GRIA4: variants seen among roughly 807,000 people sequenced by gnomAD.
The protein encoded by GRIA4 is glutamate receptor 4.
Under a neutral mutation model 104.0 loss-of-function variants are expected in GRIA4, and 34 were observed. The ratio of observed to expected loss-of-function variants is 0.33; its 90% CI spans 0.25 to 0.44. The LOEUF (loss-of-function observed/expected upper bound fraction) is 0.44, where lower values mean the gene tolerates loss of function less well. Among genes scored for constraint, GRIA4 ranks in the 20% least tolerant of loss-of-function variants. The pLI is 1.00. For synonymous variants in GRIA4, 386 were observed against 381.9 expected (o/e 1.01, Z -0.13); for missense variants, 750 against 1,096.5 (o/e 0.68, Z 4.46).
intron 4 of GRIA4, among the ~76,000 whole-genome samples, chr11:105,763,684 C>T (rs1940782455): frequency 6.6e-6 from 1 of 152,150 alleles, no homozygotes; most frequent in African/African-American, 2.4e-5. Context: ...AACAAATAAG[C>T]ATCCTCTACA....
chr11:105,729,228 T>C (rs922750572), intron 3 of GRIA4, among the ~76,000 whole-genome samples: 10 of 152,078 alleles, frequency 6.6e-5, no homozygotes, highest in African/African-American at 2.2e-4. Context: ...TAAACACACC[T>C]ATGCAAATAA....
rs781052248 is a variant in GRIA4, at chr11:105,980,740, C to T, written c.*1001C>T. ...ACAGAGCTTAAAAGTTTTTTCTTAT[C>T]GTTATAAAAGTTATTTGAGAAATTA... On this transcript the variant is annotated 3_prime_UTR_variant, in exon 17 of 17. Transcript: ENST00000282499. The T allele has an allele frequency of 6.6e-6, 1 of 152,468 alleles. No homozygotes were observed. The highest frequency in any genetic ancestry group is 1.9e-4 in the East Asian group (1 of 5,196). The allele number at this position is 152,468 out of a possible 1,614,324, so 9.4% of individuals were successfully genotyped here.
chr11:105,632,012 AG>A (rs1951047189), intron 3 of GRIA4, among the ~76,000 whole-genome samples: 1 of 152,174 alleles, frequency 6.6e-6, no homozygotes, highest in African/African-American at 2.4e-5. Flanking sequence ...ATGAATGAAT[AG>A]TGTTGGAGGG....
intron 4 of GRIA4, among the ~76,000 whole-genome samples, chr11:105,808,093 A>C (rs892223906): frequency 1.3e-5 from 2 of 151,848 alleles, no homozygotes; most frequent in Non-Finnish European, 2.9e-5. Context: ...CCTACTCTGC[A>C]TTTCATAGTG....
chr11:105,869,302 T>C (rs1945535854), intron 5 of GRIA4, among the ~76,000 whole-genome samples: 1 of 152,178 alleles, frequency 6.6e-6, no homozygotes, highest in Admixed American at 6.6e-5. Context: ...TAGTTGATGC[T>C]GCAAGAACAC....
At chr11:105,661,737 T>C (rs1952016796) in intron 3 of GRIA4, among the ~76,000 whole-genome samples, 1 of 151,702 alleles carries the variant, frequency 6.6e-6, no homozygotes, top group African/African-American at 2.4e-5. Flanking sequence ...TCTTGGTATT[T>C]GTCAAATTTG....
chr11:105,922,677 G>C (rs971342853), intron 11 of GRIA4, among the ~76,000 whole-genome samples: 1 of 151,986 alleles, frequency 6.6e-6, no homozygotes, highest in Non-Finnish European at 1.5e-5. Context: ...AAGAGAAAAA[G>C]AATTGTAAGA....
intron 3 of GRIA4, among the ~76,000 whole-genome samples, chr11:105,615,237 A>C (rs1950571483): frequency 6.6e-6 from 1 of 151,928 alleles, no homozygotes; most frequent in Non-Finnish European, 1.5e-5. Flanking sequence ...AGCTTATTTA[A>C]TGCTGGTTCA....
chr11:105,815,554 T>C (rs1014981782), intron 4 of GRIA4, among the ~76,000 whole-genome samples: 10 of 152,108 alleles, frequency 6.6e-5, no homozygotes, highest in Admixed American at 5.2e-4. Flanking sequence ...TCTGAGTCTT[T>C]TATGCTGCCT....
At chr11:105,632,453 G>C (rs1951058596) in intron 3 of GRIA4, among the ~76,000 whole-genome samples, 2 of 152,284 alleles carry the variant, frequency 1.3e-5, no homozygotes, top group South Asian at 4.1e-4. Flanking sequence ...CTCTGGTGTA[G>C]AAGAGCATAG....
rs1308688417 is a variant in GRIA4, at chr11:105,910,440, T to C, written c.1164T>C (p.Gly388=). The part of the protein sequence containing the change: ...ELKSTGPRKV[G]YWNDMDKLVL... The stretch of plus-strand genomic sequence containing the variant: ...GCATGTTCTCTATTTGGCAGGTTGG[T>C]TACTGGAATGATATGGATAAGTTAG... The change falls in exon 10 of 17, where the codon GGT becomes GGC. Residue 388 remains glycine, a synonymous_variant. Transcript: ENST00000282499. 4 of 1,516,168 alleles carry C rather than the reference T, an allele frequency of 2.6e-6. No homozygotes were observed. Among genetic ancestry groups the C allele is most frequent in the Non-Finnish European group, 3.7e-6 (4 of 1,090,856 alleles). 93.9% of individuals were successfully genotyped at this position (1,516,168 alleles called of 1,614,324 possible).
intron 3 of GRIA4, among the ~76,000 whole-genome samples, chr11:105,649,886 T>A (rs1951637295): frequency 6.6e-6 from 1 of 152,088 alleles, no homozygotes; most frequent in African/African-American, 2.4e-5. Flanking sequence ...TATACAGGAA[T>A]AATTATTGAA....
chr11:105,712,971 G>T (rs533866821), intron 3 of GRIA4, among the ~76,000 whole-genome samples: 82 of 152,194 alleles, frequency 5.4e-4, no homozygotes, highest in Non-Finnish European at 8.8e-4. Flanking sequence ...AATACATGAT[G>T]AGATATTGAA....
intron 3 of GRIA4, among the ~76,000 whole-genome samples, chr11:105,678,942 A>C (rs2135459747): frequency 6.6e-6 from 1 of 152,278 alleles, no homozygotes; most frequent in South Asian, 2.1e-4. Context: ...CTGAATCAGA[A>C]TGCCCTAAAA....
Position 105,779,646 on chromosome 11 carries a change from AC to A in GRIA4, c.487+26427del, listed in dbSNP as rs199527078. On this transcript the variant is annotated intron_variant, in intron 4 of 16. Coordinates refer to ENST00000282499, the MANE Select transcript of GRIA4 (RefSeq NM_000829.4). Reference sequence around the variant, plus strand: ...ACTTAAAAGTATAATAAAAAAAAAAACAACAAAAAAAACTACTTGAAAGTTC... The same window carrying A: ...ACTTAAAAGTATAATAAAAAAAAAAAAACAAAAAAAACTACTTGAAAGTTC... 9.6e-3 allele frequency among the ~76,000 whole-genome samples: 1,457 copies of A among 151,866 alleles called. 29 individuals are homozygous for A. Among genetic ancestry groups the A allele is most frequent in the African/African-American group, 0.033 (1,375 of 41,418 alleles).
intron 4 of GRIA4, among the ~76,000 whole-genome samples, chr11:105,815,855 A>G (rs1591299660): frequency 6.6e-6 from 1 of 152,186 alleles, no homozygotes; most frequent in Non-Finnish European, 1.5e-5. Flanking sequence ...TCTCACAGAC[A>G]TTTCATATGA....
intron 14 of GRIA4, among the ~76,000 whole-genome samples, chr11:105,955,114 TTC>T (rs1948552341): frequency 6.6e-6 from 1 of 152,056 alleles, no homozygotes; most frequent in Non-Finnish European, 1.5e-5. Flanking sequence ...CCAAATTATT[TTC>T]TTTTTGGTTT....
chr11:105,764,008 A>G (rs1036927077), intron 4 of GRIA4, among the ~76,000 whole-genome samples: 1 of 152,240 alleles, frequency 6.6e-6, no homozygotes, highest in African/African-American at 2.4e-5. Context: ...ATCTTAAAAT[A>G]CCCAAACACA....
chr11:105,745,142 C>T (rs1439707488), intron 3 of GRIA4, among the ~76,000 whole-genome samples: 1 of 152,076 alleles, frequency 6.6e-6, no homozygotes, highest in Non-Finnish European at 1.5e-5. Context: ...TAATAACTAA[C>T]ATTTTTTCCA....
Sources: allele counts gnomAD v4.1 joint callset (sites outside exome capture counted in the v4.1 genomes callset), GRCh38; gene constraint gnomAD v4.1.1; transcripts MANE v1.5; gene names NCBI Gene and HGNC (gene_info 2026-07-23, HGNC 2026-07-21).